Variants in CPS1 observed in about 807,000 individuals in gnomAD.
CPS1 encodes the protein carbamoyl-phosphate synthase [ammonia], mitochondrial.
Under a neutral mutation model 174.6 loss-of-function variants are expected in CPS1, and 109 were observed. The ratio of observed to expected loss-of-function variants is 0.62; its 90% CI spans 0.53 to 0.73. CPS1 has a LOEUF of 0.73. CPS1 is among the 30% of genes least tolerant of loss of function. CPS1 has a pLI of 0.00. For missense variants in CPS1, 1,689 were observed against 1,821.9 expected, an observed-to-expected ratio of 0.93 and a Z score of 1.33; for synonymous variants, 637 against 632.0, an observed-to-expected ratio of 1.01 and a Z score of -0.12.
At chr2:210,590,079 T>C in intron 7 of CPS1, 27 bp from the exon 8 acceptor site, 5 of 1,612,278 alleles carry the variant, frequency 3.1e-6, no homozygotes, top group South Asian at 1.1e-5. Context: ...TGTTATTAAA[T>C]TCATCATTCT....
chr2:210,533,422 GATA>G (rs1696166553), intron 1 of CPS1, among the ~76,000 whole-genome samples: 1 of 152,128 alleles, frequency 6.6e-6, no homozygotes, highest in African/African-American at 2.4e-5. Flanking sequence ...CTATGACACA[GATA>G]ATATCATTAT....
intron 28 of CPS1, among the ~76,000 whole-genome samples, chr2:210,651,050 A>G (rs1047894320): frequency 6.6e-6 from 1 of 152,166 alleles, no homozygotes; most frequent in African/African-American, 2.4e-5. Context: ...TTACCTCAGC[A>G]TGATCCATTT....
At chr2:210,625,537 C>T (rs1699673390) in intron 21 of CPS1, among the ~76,000 whole-genome samples, 1 of 152,030 alleles carries the variant, frequency 6.6e-6, no homozygotes, top group Non-Finnish European at 1.5e-5. Context: ...AGTAAATTCT[C>T]CTTACTCCAT....
At chr2:210,501,338 A>G (rs982425974) in intron 1 of CPS1, among the ~76,000 whole-genome samples, 9 of 152,294 alleles carry the variant, frequency 5.9e-5, no homozygotes, top group Non-Finnish European at 1.3e-4. Context: ...ATTTCTCCTC[A>G]GGAAATGGGT....
chr2:210,554,319 C>T (rs914705264), upstream of CPS1, among the ~76,000 whole-genome samples: 3 of 149,858 alleles, frequency 2.0e-5, no homozygotes, highest in South Asian at 2.1e-4. Context: ...GCATCTGGGA[C>T]CCTTTACTGA....
At chr2:210,595,645 T>C in intron 13 of CPS1, 63 bp downstream of exon 13, 1 of 1,141,164 alleles carries the variant, frequency 8.8e-7, no homozygotes. Context: ...ATTAGTATTT[T>C]ATAATTTAGA....
At chr2:210,594,384 A>C (rs895136972) in intron 11 of CPS1, 124 bp from the exon 12 acceptor site, 1 of 698,796 alleles carries the variant, frequency 1.4e-6, no homozygotes, top group East Asian at 2.7e-5. Flanking sequence ...AAAAAAGCTG[A>C]AATGCTATAA....
intron 7 of CPS1, 148 bp from the exon 8 acceptor site, chr2:210,589,958 G>T (rs1698231970): frequency 1.2e-5 from 13 of 1,053,730 alleles, no homozygotes; most frequent in Admixed American, 2.1e-5. Context: ...CGGCCCCAAA[G>T]AAATTTTTGC....
chr2:210,663,031 A>G, intron 32 of CPS1, 92 bp from the exon 33 acceptor site: 1 of 1,245,476 alleles, frequency 8.0e-7, no homozygotes, highest in South Asian at 1.3e-5. Context: ...GAACTCTGTG[A>G]GAGATGATTT....
At chr2:210,593,177 G>A (rs1376707237) in intron 11 of CPS1, among the ~76,000 whole-genome samples, 1 of 151,830 alleles carries the variant, frequency 6.6e-6, no homozygotes, top group Non-Finnish European at 1.5e-5. Flanking sequence ...TAAGAAACCC[G>A]AAGCGATGGT....
intron 1 of CPS1, among the ~76,000 whole-genome samples, chr2:210,571,706 T>C (rs1697495556): frequency 6.6e-6 from 1 of 152,042 alleles, no homozygotes; most frequent in Non-Finnish European, 1.5e-5. Flanking sequence ...AAAAGAGGCA[T>C]CTTATTTCTA....
chr2:210,563,473 A>T (rs766444600), intron 1 of CPS1, among the ~76,000 whole-genome samples: 1 of 152,142 alleles, frequency 6.6e-6, no homozygotes, highest in Non-Finnish European at 1.5e-5. Flanking sequence ...TTCAGTTTCA[A>T]TGTGTTTCTT....
intron 1 of CPS1, among the ~76,000 whole-genome samples, chr2:210,567,391 G>A (rs2106060350): frequency 6.6e-6 from 1 of 152,186 alleles, no homozygotes; most frequent in South Asian, 2.1e-4. Context: ...ATTATTATTA[G>A]TTATAACATA....
rs550178978 is a variant in CPS1 at position 210,622,719 on chromosome 2, T to C, written c.2687+6178T>C. On this transcript the variant is annotated intron_variant, in intron 21 of 37. Transcript: ENST00000233072. ...CACCCCCAAGCATTATTATTTATAA[T>C]ACCAATTTGGATTGGCAATTTTATA... is the stretch of plus-strand genomic sequence containing the variant. 7.4e-5 allele frequency among the ~76,000 whole-genome samples: 11 copies of C among 148,488 alleles called. 1 individual carries two copies. In the South Asian group the frequency reaches 8.4e-4, roughly 11 times the overall value.
chr2:210,624,480 T>C (rs909627977), intron 21 of CPS1, among the ~76,000 whole-genome samples: 6 of 152,068 alleles, frequency 3.9e-5, no homozygotes, highest in Non-Finnish European at 7.4e-5. Context: ...TACTTATTTC[T>C]TTGTAAGAGA....
intron 22 of CPS1, among the ~76,000 whole-genome samples, chr2:210,638,153 T>C (rs982595178): frequency 1.3e-5 from 2 of 152,228 alleles, no homozygotes; most frequent in Non-Finnish European, 2.9e-5. Flanking sequence ...TTCAAATATG[T>C]AAGTAGTTAA....
chr2:210,566,059 C>G (rs1263931621), intron 1 of CPS1, among the ~76,000 whole-genome samples: 1 of 152,138 alleles, frequency 6.6e-6, no homozygotes, highest in Admixed American at 6.6e-5. Context: ...CTGAACCTTT[C>G]TATCCAGGCC....
intron 1 of CPS1, among the ~76,000 whole-genome samples, chr2:210,557,583 C>T (rs1468733317): frequency 6.6e-6 from 1 of 152,036 alleles, no homozygotes; most frequent in African/African-American, 2.4e-5. Flanking sequence ...ACCTCTGCTC[C>T]TTCCTGCAAC....
intron 34 of CPS1, among the ~76,000 whole-genome samples, chr2:210,669,221 T>TTTTTATTACTATTCAGAACTAC: frequency 6.6e-6 from 1 of 152,278 alleles, no homozygotes; most frequent in East Asian, 1.9e-4. Flanking sequence ...TTTGGAATGC[T>TTTTTATTACTATTCAGAACTAC]TTTTATTACT....
Sources: gnomAD v4.1 joint callset for allele counts (sites outside exome capture counted in the v4.1 genomes callset) on GRCh38, gnomAD v4.1.1 for gene constraint, MANE v1.5 for transcripts, NCBI Gene and HGNC (gene_info 2026-07-23, HGNC 2026-07-21) for gene names.